Variants in TNXB observed in about 807,000 individuals in gnomAD.
TNXB encodes the protein tenascin-X.
A neutral mutation model predicts 340.5 loss-of-function variants in TNXB; 183 were observed. That is an observed-to-expected ratio of 0.54 (90% CI 0.48 to 0.61). The LOEUF is 0.61. Among genes scored for constraint, TNXB ranks in the 20% least tolerant of loss-of-function variants. TNXB has a pLI of 0.00. For synonymous variants in TNXB, 2,121 were observed against 2,314.5 expected (o/e 0.92, Z 2.40); for missense variants, 4,613 against 5,446.4 (o/e 0.85, Z 4.82).
rs374217391 is a variant in TNXB at position 32,087,499 on chromosome 6, A to C, written c.2779+1286T>G. ...CGCGCCATCGGCGGAACTGCCCAGC[A>C]CCTCTGGCTTGGGGTGGCGGGACGC... On this transcript the variant is annotated intron_variant, in intron 6 of 43. Coordinates refer to ENST00000644971, the MANE Select transcript of TNXB (RefSeq NM_001365276.2). The surrounding 1 kb of genome is among the most constrained non-coding windows in gnomAD (Gnocchi z 9.0). 2.1e-6 allele frequency: 1 copy of C among 487,140 alleles called. No individual in the cohort carries two copies. Among genetic ancestry groups the C allele is most frequent in the Non-Finnish European group, 4.1e-6 (1 of 245,686 alleles). 30.2% of individuals were successfully genotyped at this position (487,140 alleles called of 1,614,324 possible).
intron 4 of TNXB, among the ~76,000 whole-genome samples, chr6:32,092,475 T>A (rs1780118569): frequency 6.6e-6 from 1 of 152,038 alleles, no homozygotes; most frequent in East Asian, 1.9e-4. Flanking sequence ...GCTTCTAGGA[T>A]GACAGCAGCA....
Position 32,088,802 on chromosome 6 carries a change from G to A in TNXB, c.2762C>T (p.Ser921Phe), listed in dbSNP as rs776729068. 10 of 1,575,612 alleles carry A rather than the reference G, an allele frequency of 6.3e-6. No individual in the cohort carries two copies. Among genetic ancestry groups the A allele is most frequent in the Non-Finnish European group, 7.7e-6 (9 of 1,161,608 alleles). The part of the protein sequence containing the change: ...ERGRAVSYPA[S>F]VRANTGSSPL... ...AGCCATACCTGTGTTGGCCCTGACA[G>A]AAGCTGGGTAGCTGACTGCCCGGCC... Residue 921 changes from serine (S) to phenylalanine (F), a missense_variant, in exon 6 of 44, where the codon TCT becomes TTT. Physicochemically the swap from Ser to Phe is radical, Grantham distance 155. Around this residue, in one of 7 missense-constraint regions of TNXB, gnomAD observed 4,327 missense variants for 4,859.4 expected, o/e 0.89. Coordinates refer to ENST00000644971, the MANE Select transcript of TNXB (RefSeq NM_001365276.2).
chr6:32,095,469 G>A (rs1231577345), intron 3 of TNXB, 142 bp downstream of exon 3: 1 of 1,085,316 alleles, frequency 9.2e-7, no homozygotes, highest in Non-Finnish European at 1.3e-6. Flanking sequence ...CCCCACCCCT[G>A]TGGTTCTGCT....
chr6:32,101,077 CA>C (rs35800696), intron 1 of TNXB, among the ~76,000 whole-genome samples: 7,139 of 46,514 alleles, frequency 0.15, 54 homozygotes, highest in South Asian at 0.29. Context: ...AACTCCATCT[CA>C]AAAAAAAAAA....
rs1183752760 is a variant in TNXB, at chr6:32,073,111, G to A, written c.4681+536C>T. ...ACAATCATGGAGAACCTGTGCCCAG[G>A]AAGCCATGAGGGGCAGGAAGGAGCC... On this transcript the variant is annotated intron_variant, in intron 12 of 43. Coordinates refer to ENST00000644971, the MANE Select transcript of TNXB (RefSeq NM_001365276.2). The surrounding 1 kb of genome is among the most constrained non-coding windows in gnomAD (Gnocchi z 4.6). Among the ~76,000 whole-genome samples, 1 of 152,166 alleles carries A rather than the reference G, an allele frequency of 6.6e-6. No individual in the cohort carries two copies. The highest frequency in any genetic ancestry group is 2.4e-5 in the African/African-American group (1 of 41,430).
In TNXB at chr6:32,073,762, T is replaced by G. The variant is rs746695620; in HGVS notation, c.4566A>C (p.Ala1522=). Residue 1522 remains alanine, a synonymous_variant, in exon 12 of 44, where the codon GCA becomes GCC. Coordinates refer to ENST00000644971, the MANE Select transcript of TNXB (RefSeq NM_001365276.2). The surrounding 1 kb of genome is among the most constrained non-coding windows in gnomAD (Gnocchi z 4.6). ...DGQPQVVPVA[A]DQREVTVYNL... ...TGTAGACTGTGACCTCTCGCTGGTC[T>G]GCCGCCACCGGCACCACCTGGGGCT... is the stretch of plus-strand genomic sequence containing the variant. The G allele has an allele frequency of 4.2e-5, 67 of 1,612,534 alleles. 1 individual carries two copies. Among genetic ancestry groups the G allele is most frequent in the Non-Finnish European group, 5.4e-5 (64 of 1,179,560 alleles).
chr6:32,093,435 C>A, intron 4 of TNXB: 1 of 701,218 alleles, frequency 1.4e-6, no homozygotes, highest in Non-Finnish European at 2.6e-6. Context: ...TGAGGAGAGG[C>A]AGAACATAGT....
rs1193465385 is a variant in TNXB at position 32,049,238 on chromosome 6, A to T, written c.9757+32T>A. Reference sequence around the variant, plus strand: ...AAACACAAGGGGGCTGCAGAGGTAAACCTGGGGACGAGGGCCTGTCCCCCC... The same window carrying T: ...AAACACAAGGGGGCTGCAGAGGTAATCCTGGGGACGAGGGCCTGTCCCCCC... On this transcript the variant is annotated intron_variant, in intron 28 of 43. Transcript: ENST00000644971. The surrounding 1 kb of genome is among the most constrained non-coding windows in gnomAD (Gnocchi z 4.5). The T allele has an allele frequency of 6.3e-7, 1 of 1,593,896 alleles. No homozygotes were observed. The highest frequency in any genetic ancestry group is 1.3e-5 in the African/African-American group (1 of 74,584).
At position 32,095,855 on chromosome 6, in the gene TNXB, C is replaced by G; in HGVS notation, c.1998G>C (p.Val666=). 1 of 1,612,608 alleles carries G rather than the reference C, an allele frequency of 6.2e-7. No homozygotes were observed. The highest frequency in any genetic ancestry group is 8.5e-7 in the Non-Finnish European group (1 of 1,179,392). Residue 666 remains valine, a synonymous_variant, in exon 3 of 44, where the codon GTG becomes GTC. Coordinates refer to ENST00000644971, the MANE Select transcript of TNXB (RefSeq NM_001365276.2). ...CRGRGRCVQG[V]CLCHVGYGGE... is the part of the protein sequence containing the mutation. ...CGCCATAGCCCACGTGGCACAGGCA[C>G]ACTCCTTGCACACACCGCCCACGTC...
At chr6:32,060,804 A>G (rs1238413486) in intron 21 of TNXB, among the ~76,000 whole-genome samples, 1 of 151,660 alleles carries the variant, frequency 6.6e-6, no homozygotes, top group Non-Finnish European at 1.5e-5. Flanking sequence ...ATGCTTGGCT[A>G]ATTTTTGTAT....
At chr6:32,095,393 A>C (rs1405249320) in intron 3 of TNXB, among the ~76,000 whole-genome samples, 3 of 152,016 alleles carry the variant, frequency 2.0e-5, no homozygotes, top group African/African-American at 7.3e-5. Flanking sequence ...AATCTCCCTA[A>C]ATGCAACTAA....
rs1375977368 is a variant in TNXB at position 32,046,430 on chromosome 6, G to C, written c.10351C>G (p.His3451Asp). 2 of 1,576,474 alleles carry C rather than the reference G, an allele frequency of 1.3e-6. No individual in the cohort carries two copies. Among genetic ancestry groups the C allele is most frequent in the Non-Finnish European group, 1.7e-6 (2 of 1,154,192 alleles). The part of the protein sequence containing the change: ...TAPLEKELPP[H>D]LGELTVAEET... ...TCAGCCACGGTCAGTTCCCCCAGGT[G>C]GGGAGGTAGCTCCTTCTCCAGGGGA... Residue 3451 changes from histidine to aspartate, a missense_variant, in exon 31 of 44, where the codon CAC (histidine) becomes GAC (aspartate). Transcript: ENST00000644971. The surrounding 1 kb of genome is among the most constrained non-coding windows in gnomAD (Gnocchi z 6.9).
At position 32,049,220 on chromosome 6, in the gene TNXB, A is replaced by C; in HGVS notation, c.9757+50T>G. ...TGCCAAGATCCAAAGGAGAAACACA[A>C]GGGGGCTGCAGAGGTAAACCTGGGG... On this transcript the variant is annotated intron_variant, in intron 28 of 43. Coordinates refer to ENST00000644971, the MANE Select transcript of TNXB (RefSeq NM_001365276.2). This position sits in a 1 kb window ranked among gnomAD's most constrained non-coding sequence, Gnocchi z 4.5. The C allele has an allele frequency of 6.4e-7, 1 of 1,565,538 alleles. No homozygotes were observed. The highest frequency in any genetic ancestry group is 8.7e-7 in the Non-Finnish European group (1 of 1,154,168).
chr6:32,103,320 C>G (rs1039201578), intron 1 of TNXB, among the ~76,000 whole-genome samples: 2 of 151,520 alleles, frequency 1.3e-5, no homozygotes, highest in Non-Finnish European at 2.9e-5. Context: ...ATCCCAGCTA[C>G]TTGGGAGGCT....
At chr6:32,056,371 G>A (rs1328230192) in intron 23 of TNXB, among the ~76,000 whole-genome samples, 197 bp from the exon 24 acceptor site, 1 of 152,104 alleles carries the variant, frequency 6.6e-6, no homozygotes, top group African/African-American at 2.4e-5. Context: ...TGGGGGACCT[G>A]GGACAGTCAC....
intron 3 of TNXB, 35 bp from the exon 4 acceptor site, chr6:32,095,226 G>C (rs1780264736): frequency 3.3e-6 from 5 of 1,513,472 alleles, no homozygotes; most frequent in Non-Finnish European, 4.5e-6. Flanking sequence ...AAGCTGGTTA[G>C]CACAAGGCAA....
rs542131017 is a variant in TNXB at position 32,056,029 on chromosome 6, G to C, written c.8289C>G (p.Phe2763Leu). The part of the protein sequence containing the change: ...SLSWTIPQGH[F>L]DSFTVQYKDR... ...CCTTGTACTGCACGGTGAAGGAGTC[G>C]AAGTGGCCCTGGGGGATGGTCCAGG... is the stretch of plus-strand genomic sequence containing the variant. The change falls in exon 24 of 44, where the codon TTC becomes TTG. Residue 2763 changes from phenylalanine to leucine, a missense_variant. Physicochemically the swap from Phe to Leu is conservative, Grantham distance 22 (BLOSUM62 0). Coordinates refer to ENST00000644971, the MANE Select transcript of TNXB (RefSeq NM_001365276.2). 108 of 1,613,096 alleles carry C rather than the reference G, an allele frequency of 6.7e-5. No individual in the cohort carries two copies. The African/African-American group carries it at 7.2e-4, about 11-fold the overall frequency.
chr6:32,079,433 G>A lies in TNXB; in HGVS notation c.4043-68C>T. ...GCTGCTGCCCACAGATGACAGCCATGGAAATGCCCTTACGCTGTGGGCTCA... is the reference window on the plus strand; with the variant it reads ...GCTGCTGCCCACAGATGACAGCCATAGAAATGCCCTTACGCTGTGGGCTCA... On this transcript the variant is annotated intron_variant, in intron 10 of 43. Coordinates refer to ENST00000644971, the MANE Select transcript of TNXB (RefSeq NM_001365276.2). The surrounding 1 kb of genome is among the most constrained non-coding windows in gnomAD (Gnocchi z 7.1). The A allele has an allele frequency of 7.5e-7, 1 of 1,327,996 alleles. No individual in the cohort carries two copies. The highest frequency in any genetic ancestry group is 1.0e-6 in the Non-Finnish European group (1 of 965,428). The allele number at this position is 1,327,996 out of a possible 1,614,324, so 82.3% of individuals were successfully genotyped here. A position where few individuals can be genotyped will look rare whatever the true frequency, so the allele number is the denominator to read the frequency against.
intron 6 of TNXB, 93 bp from the exon 7 acceptor site, chr6:32,086,211 G>A (rs1174012605): frequency 7.2e-7 from 1 of 1,384,314 alleles, no homozygotes; most frequent in Non-Finnish European, 9.5e-7. Flanking sequence ...CAGCCTCTAA[G>A]AGCCTTGTTC....
Sources: allele counts gnomAD v4.1 joint callset (sites outside exome capture counted in the v4.1 genomes callset), GRCh38; gene constraint gnomAD v4.1.1; regional missense constraint gnomAD v4.1.1; non-coding constraint Gnocchi (gnomAD v3.1); transcripts MANE v1.5; gene names NCBI Gene and HGNC (gene_info 2026-07-23, HGNC 2026-07-21).